ZNF469: variants seen among roughly 807,000 people sequenced by gnomAD.
ZNF469 encodes the protein zinc finger protein 469.
A neutral mutation model predicts 1.0 loss-of-function variants in ZNF469; 1 was observed. That is an observed-to-expected ratio of 1.00 (90% CI 0.35 to 4.73). ZNF469 has a LOEUF of 4.73. Ranked by LOEUF, ZNF469 falls within the 30% of genes most tolerant of loss-of-function variation. ZNF469 has a pLI of 0.16. For synonymous variants in ZNF469, 2,703 were observed against 2,363.4 expected, an observed-to-expected ratio of 1.14 and a Z score of -4.17; for missense variants, 6,100 against 5,356.3, an observed-to-expected ratio of 1.14 and a Z score of -4.33.
chr16:88,355,008 A>G, the ZNF469 span, among the ~76,000 whole-genome samples: 1 of 152,210 alleles, frequency 6.6e-6, no homozygotes, highest in South Asian at 2.1e-4. Flanking sequence ...CTAGGGGAAG[A>G]GCACAGCACT....
chr16:88,261,161 C>G, the ZNF469 span, among the ~76,000 whole-genome samples: 1 of 152,234 alleles, frequency 6.6e-6, no homozygotes, highest in Non-Finnish European at 1.5e-5. The surrounding 1 kb of genome is among the most constrained non-coding windows in gnomAD (Gnocchi z 6.0). Context: ...GGGCGGGACA[C>G]AGGTGGGCCC....
the ZNF469 span, among the ~76,000 whole-genome samples, chr16:88,122,921 C>G: frequency 2.0e-5 from 3 of 152,206 alleles, no homozygotes; most frequent in Non-Finnish European, 4.4e-5. Flanking sequence ...TAGCTTACTA[C>G]AGCCTTGTCC....
In ZNF469 at chr16:88,383,423, C is replaced by G. The variant is rs1309411228; in HGVS notation, c.-192+169C>G. 4.9e-4 allele frequency among the ~76,000 whole-genome samples: 72 copies of G among 148,264 alleles called. No homozygotes were observed. The South Asian group carries it at 0.015, about 30-fold the overall frequency. On this transcript the variant is annotated intron_variant, in intron 1 of 2. Transcript: ENST00000565624. The stretch of plus-strand genomic sequence containing the variant: ...CGGACCCTCCCAGCGCTCGCGGCGC[C>G]CGGCCCGGCTCCCCCGACCTCCTCC...
At chr16:88,189,758 A>G in the ZNF469 span, among the ~76,000 whole-genome samples, 1 of 152,146 alleles carries the variant, frequency 6.6e-6, no homozygotes, top group Non-Finnish European at 1.5e-5. This position sits in a 1 kb window ranked among gnomAD's most constrained non-coding sequence, Gnocchi z 4.3. Context: ...TCTCTACTAA[A>G]AATACAAAAA....
chr16:88,120,606 C>T, the ZNF469 span, among the ~76,000 whole-genome samples: 14 of 152,188 alleles, frequency 9.2e-5, no homozygotes, highest in South Asian at 2.1e-4. Flanking sequence ...CAACCAGGGA[C>T]GGAGCCGCCC....
chr16:88,261,490 C>G, the ZNF469 span, among the ~76,000 whole-genome samples: 1 of 152,198 alleles, frequency 6.6e-6, no homozygotes, highest in Non-Finnish European at 1.5e-5. The surrounding 1 kb of genome is among the most constrained non-coding windows in gnomAD (Gnocchi z 6.0). Context: ...CCTGGCCTCA[C>G]CCAGTTCTGC....
At chr16:88,283,326 T>C in the ZNF469 span, among the ~76,000 whole-genome samples, 2 of 150,974 alleles carry the variant, frequency 1.3e-5, no homozygotes, top group Admixed American at 1.3e-4. Flanking sequence ...TAAACAAATG[T>C]TGAACTCTGG....
In ZNF469 at chr16:88,434,353, G is replaced by A. The variant is rs760511796; in HGVS notation, c.6883G>A (p.Asp2295Asn). The A allele has an allele frequency of 2.6e-6, 4 of 1,550,082 alleles. No individual in the cohort carries two copies. The Admixed American group carries it at 5.9e-5, about 23-fold the overall frequency. Residue 2295 changes from aspartate (D) to asparagine (N), a missense_variant, in exon 3 of 3, where the codon GAT (aspartate) becomes AAT (asparagine). Asp to Asn is a conservative substitution (Grantham distance 23, BLOSUM62 1). Transcript: ENST00000565624. ...TGGCCTGTCCAGCACTCCCACCGGA[G>A]ATGAGGCACAGGCAGGCAGGGGACT... ...ATGLSSTPTG[D>N]EAQAGRGLPG...
At chr16:88,111,874 A>T in the ZNF469 span, among the ~76,000 whole-genome samples, 1 of 152,086 alleles carries the variant, frequency 6.6e-6, no homozygotes. Context: ...TGACCTTGTG[A>T]TCCGCCTGCC....
chr16:88,428,195 G>T lies in ZNF469; in HGVS notation c.725G>T (p.Ser242Ile), dbSNP rs536586591. The change falls in exon 3 of 3, where the codon AGC (serine) becomes ATC (isoleucine). Residue 242 changes from serine (S) to isoleucine (I), a missense_variant. By Grantham distance (142) the Ser-to-Ile change is moderately radical. Coordinates refer to ENST00000565624, the MANE Select transcript of ZNF469 (RefSeq NM_001367624.2). ...TCCTGGCCTCCCGCTGCTGAGAATAGCTTCCCAGGTGCTAATTTCGGGGTT... is the reference window on the plus strand; with the variant it reads ...TCCTGGCCTCCCGCTGCTGAGAATATCTTCCCAGGTGCTAATTTCGGGGTT... ...ADSWPPAAEN[S>I]FPGANFGVPP... The T allele has an allele frequency of 1.9e-3, 2,995 of 1,550,274 alleles. 6 individuals are homozygous for T. The highest frequency in any genetic ancestry group is 3.5e-3 in the Middle Eastern group (21 of 5,990).
the ZNF469 span, among the ~76,000 whole-genome samples, chr16:88,115,129 C>G: frequency 1.3e-5 from 2 of 152,164 alleles, no homozygotes; most frequent in African/African-American, 2.4e-5. Context: ...CTGGTCTGTG[C>G]CGGGCTCTGC....
upstream of ZNF469, among the ~76,000 whole-genome samples, chr16:88,380,501 TCACA>T (rs534368602): frequency 4.1e-5 from 5 of 121,726 alleles, no homozygotes; most frequent in South Asian, 2.8e-4. Context: ...ACACATGCAC[TCACA>T]CAGACATGCA....
the ZNF469 span, among the ~76,000 whole-genome samples, chr16:88,304,845 C>A: frequency 3.9e-5 from 6 of 152,212 alleles, no homozygotes; most frequent in South Asian, 2.1e-4. Flanking sequence ...AAGCAAGGGA[C>A]CCAGGTGCTG....
chr16:88,161,435 G>A, the ZNF469 span, among the ~76,000 whole-genome samples: 5 of 152,212 alleles, frequency 3.3e-5, no homozygotes, highest in African/African-American at 1.2e-4. Flanking sequence ...TTCAGGAGGT[G>A]CAGAGTGACT....
the ZNF469 span, among the ~76,000 whole-genome samples, chr16:88,328,263 T>C: frequency 6.6e-6 from 1 of 152,208 alleles, no homozygotes; most frequent in African/African-American, 2.4e-5. Context: ...GCCTTAAAGG[T>C]GTATTTAAAA....
At chr16:88,338,965 G>T in the ZNF469 span, among the ~76,000 whole-genome samples, 2 of 151,918 alleles carry the variant, frequency 1.3e-5, no homozygotes, top group South Asian at 2.1e-4. Flanking sequence ...ATGGCACTTT[G>T]TTCTGGAAGC....
At chr16:88,235,166 G>A in the ZNF469 span, among the ~76,000 whole-genome samples, 9 of 152,146 alleles carry the variant, frequency 5.9e-5, no homozygotes, top group Admixed American at 2.0e-4. Flanking sequence ...ATTTCGCACC[G>A]GGCCTCTCCA....
chr16:88,151,881 G>T, the ZNF469 span, among the ~76,000 whole-genome samples: 1 of 152,368 alleles, frequency 6.6e-6, no homozygotes, highest in East Asian at 1.9e-4. This position sits in a 1 kb window ranked among gnomAD's most constrained non-coding sequence, Gnocchi z 5.4. Context: ...GTGCAGAATT[G>T]CTCTGAGCAA....
the ZNF469 span, among the ~76,000 whole-genome samples, chr16:88,147,478 G>A: frequency 1.3e-5 from 2 of 152,172 alleles, no homozygotes; most frequent in East Asian, 1.9e-4. Context: ...AATTCAGGCC[G>A]ATGGAATCCC....
Sources: gnomAD v4.1 joint callset for allele counts (sites outside exome capture counted in the v4.1 genomes callset) on GRCh38, gnomAD v4.1.1 for gene constraint, Gnocchi (gnomAD v3.1) non-coding constraint, MANE v1.5 for transcripts, NCBI Gene and HGNC (gene_info 2026-07-23, HGNC 2026-07-21) for gene names.